Variants in HELZ observed in about 807,000 individuals in gnomAD.
The protein encoded by HELZ is helicase with zinc finger.
Under a neutral mutation model 218.2 loss-of-function variants are expected in HELZ, and 23 were observed. That is an observed-to-expected ratio of 0.11 (90% CI 0.08 to 0.15). The LOEUF (loss-of-function observed/expected upper bound fraction) is 0.15. Among genes scored for constraint, HELZ ranks in the 10% least tolerant of loss-of-function variants. HELZ has a pLI of 1.00. For missense variants in HELZ, 1,813 were observed against 2,353.7 expected (o/e 0.77, Z 4.75); for synonymous variants, 814 against 829.4 (o/e 0.98, Z 0.32).
chr17:67,082,714 G>GT (rs1026999048), intron 32 of HELZ, among the ~76,000 whole-genome samples: 3 of 151,944 alleles, frequency 2.0e-5, no homozygotes, highest in South Asian at 4.2e-4. Context: ...CAATATAAGT[G>GT]TTTTTTGCTG....
Position 67,201,193 on chromosome 17 carries a change from GGT to G in HELZ, c.373-10_373-9del. 6.3e-7 allele frequency: 1 copy of G among 1,590,432 alleles called. No individual in the cohort carries two copies. The highest frequency in any genetic ancestry group is 8.6e-7 in the Non-Finnish European group (1 of 1,162,028). On this transcript the variant is annotated splice_polypyrimidine_tract_variant and intron_variant, in intron 6 of 32. Coordinates refer to ENST00000358691, the MANE Select transcript of HELZ (RefSeq NM_014877.4). ...CTTTGTTACCATCCCATTCTGAAAG[GGT>G]GAATAAAAAAGAGAAGAACCAATTA...
intron 12 of HELZ, among the ~76,000 whole-genome samples, chr17:67,187,876 T>C (rs1230174627): frequency 1.3e-5 from 2 of 152,206 alleles, no homozygotes; most frequent in Non-Finnish European, 2.9e-5. Context: ...GAAGGCTTAT[T>C]ATACTCAAGA....
At chr17:67,095,182 G>A (rs1284057735) in intron 31 of HELZ, among the ~76,000 whole-genome samples, 1 of 152,110 alleles carries the variant, frequency 6.6e-6, no homozygotes, top group Non-Finnish European at 1.5e-5. Flanking sequence ...AATGTTCACA[G>A]CATCTTCCCA....
At chr17:67,238,702 A>G (rs2041250012) in intron 3 of HELZ, among the ~76,000 whole-genome samples, 1 of 152,178 alleles carries the variant, frequency 6.6e-6, no homozygotes, top group South Asian at 2.1e-4. Context: ...AATAATAATA[A>G]TTTTAACTCT....
chr17:67,238,045 A>G (rs2041230453), intron 3 of HELZ, among the ~76,000 whole-genome samples: 1 of 148,980 alleles, frequency 6.7e-6, no homozygotes, highest in African/African-American at 2.5e-5. Context: ...CTCACAAAAG[A>G]CAAGTACTGA....
At chr17:67,147,127 CTGTT>C (rs943309818) in intron 20 of HELZ, among the ~76,000 whole-genome samples, 4 of 152,052 alleles carry the variant, frequency 2.6e-5, no homozygotes, top group African/African-American at 9.7e-5. Context: ...AACCATCATG[CTGTT>C]TGTCAATATA....
At chr17:67,227,438 C>T (rs1265751501) in intron 3 of HELZ, among the ~76,000 whole-genome samples, 3 of 152,142 alleles carry the variant, frequency 2.0e-5, no homozygotes, top group African/African-American at 7.2e-5. Context: ...CTGCCCACCT[C>T]GGCCTCCCAA....
chr17:67,154,633 A>C (rs1288615284), intron 17 of HELZ, among the ~76,000 whole-genome samples: 1 of 152,158 alleles, frequency 6.6e-6, no homozygotes, highest in Non-Finnish European at 1.5e-5. Flanking sequence ...TGAAGTTGAT[A>C]ATCATTTTTT....
rs1425550985 is a variant in HELZ at position 67,188,226 on chromosome 17, T to C, written c.1162+93A>G. 2 of 1,200,028 alleles carry C rather than the reference T, an allele frequency of 1.7e-6. No homozygotes were observed. Among genetic ancestry groups the C allele is most frequent in the East Asian group, 4.7e-5 (2 of 42,576 alleles). The allele number at this position is 1,200,028 out of a possible 1,614,324, so 74.3% of individuals were successfully genotyped here. Reference sequence around the variant, plus strand: ...GATTTTTTTCTTTATTACTATTCTCTTCCTATCCATGGAATATATTCAGGG... The same window carrying C: ...GATTTTTTTCTTTATTACTATTCTCCTCCTATCCATGGAATATATTCAGGG... On this transcript the variant is annotated intron_variant, in intron 12 of 32. Transcript: ENST00000358691. The surrounding 1 kb of genome is among the most constrained non-coding windows in gnomAD (Gnocchi z 4.1).
In HELZ at chr17:67,145,789, TCTC is replaced by T; in HGVS notation, c.2720_2722del (p.Gly907del). 1 of 1,612,980 alleles carries T rather than the reference TCTC, an allele frequency of 6.2e-7. No individual in the cohort carries two copies. Among genetic ancestry groups the T allele is most frequent in the Non-Finnish European group, 8.5e-7 (1 of 1,179,142 alleles). On this transcript the variant is annotated inframe_deletion, in exon 21 of 33. Transcript: ENST00000358691. ...TGTGCTATTTTTTTCTTGTACATCT[TCTC>T]CTCGTGCTGTAAAGAAAGTTAGTGG...
intron 31 of HELZ, among the ~76,000 whole-genome samples, chr17:67,089,599 A>G (rs2036497618): frequency 6.7e-6 from 1 of 148,372 alleles, no homozygotes; most frequent in African/African-American, 2.5e-5. Context: ...AGCAAAACCG[A>G]AACTGGAAAA....
At chr17:67,237,834 C>A (rs760670668) in intron 3 of HELZ, among the ~76,000 whole-genome samples, 9 of 150,976 alleles carry the variant, frequency 6.0e-5, no homozygotes, top group Non-Finnish European at 1.3e-4. Context: ...AGTAAAAATA[C>A]AAAATTAGTC....
At chr17:67,224,638 T>A (rs1156260777) in intron 3 of HELZ, 1 of 591,286 alleles carries the variant, frequency 1.7e-6, no homozygotes, top group Non-Finnish European at 3.1e-6. Flanking sequence ...TAAGTGAGCA[T>A]GGGAGACAAA....
intron 9 of HELZ, among the ~76,000 whole-genome samples, chr17:67,192,738 A>T (rs1333620969): frequency 1.3e-5 from 2 of 152,224 alleles, no homozygotes; most frequent in Non-Finnish European, 2.9e-5. Context: ...TATCAAAAGT[A>T]ATCTAAAGAG....
chr17:67,085,605 A>G (rs576504395), intron 32 of HELZ, among the ~76,000 whole-genome samples: 1 of 152,150 alleles, frequency 6.6e-6, no homozygotes, highest in East Asian at 1.9e-4. Flanking sequence ...ATATGCTAGC[A>G]TGGCACATAC....
chr17:67,173,085 TAAGA>T, intron 13 of HELZ: 2 of 960,846 alleles, frequency 2.1e-6, no homozygotes, highest in Non-Finnish European at 2.5e-6. Flanking sequence ...CCAGAAGTGC[TAAGA>T]AATAAAATAA....
intron 21 of HELZ, among the ~76,000 whole-genome samples, chr17:67,145,098 G>A (rs192070500): frequency 2.9e-4 from 44 of 152,124 alleles, no homozygotes; most frequent in Admixed American, 7.9e-4. Context: ...GAGCCATGCC[G>A]CCCCTAATGA....
intron 31 of HELZ, among the ~76,000 whole-genome samples, chr17:67,100,192 C>T (rs1418267272): frequency 4.6e-5 from 7 of 151,990 alleles, no homozygotes; most frequent in Non-Finnish European, 8.8e-5. Flanking sequence ...GATGATTAGA[C>T]AACAGTATGT....
At chr17:67,189,281 TA>T (rs1468031566) in intron 11 of HELZ, among the ~76,000 whole-genome samples, 2 of 152,152 alleles carry the variant, frequency 1.3e-5, no homozygotes, top group Non-Finnish European at 2.9e-5. Context: ...TTTAAGTAGT[TA>T]ATTACAAGCC....
Sources: gnomAD v4.1 joint callset for allele counts (sites outside exome capture counted in the v4.1 genomes callset) on GRCh38, gnomAD v4.1.1 for gene constraint, Gnocchi (gnomAD v3.1) non-coding constraint, MANE v1.5 for transcripts, NCBI Gene and HGNC (gene_info 2026-07-23, HGNC 2026-07-21) for gene names.